TRMT11: variants seen among roughly 807,000 people sequenced by gnomAD.
The protein encoded by TRMT11 is tRNA methyltransferase 11, also known as tRNA (guanine(10)-N(2))-methyltransferase TRMT11.
TRMT11 carries 53 observed loss-of-function variants against 62.8 expected under a neutral mutation model. That is an observed-to-expected ratio of 0.84 (90% CI 0.68 to 1.06). The LOEUF (loss-of-function observed/expected upper bound fraction) is 1.06, where lower values mean the gene tolerates loss of function less well. Ranked by LOEUF, TRMT11 falls within the 50% of genes least tolerant of loss-of-function variation. The pLI, the probability that TRMT11 is intolerant of heterozygous loss-of-function variation, is 0.00. For missense variants in TRMT11, 556 were observed against 553.4 expected, an observed-to-expected ratio of 1.00 and a Z score of -0.05; for synonymous variants, 188 against 190.3, an observed-to-expected ratio of 0.99 and a Z score of 0.10.
intron 17 of TRMT11, among the ~76,000 whole-genome samples, chr6:126,070,275 G>C (rs1254483729): frequency 6.6e-6 from 1 of 152,176 alleles, no homozygotes. Context: ...CCAGTTTGCT[G>C]TGAGTGGTGA....
downstream of TRMT11, among the ~76,000 whole-genome samples, chr6:126,205,677 C>A (rs566006470): frequency 1.3e-5 from 2 of 151,952 alleles, no homozygotes; most frequent in South Asian, 4.1e-4. Flanking sequence ...ATGTTCTTTC[C>A]TTGGGTGTAA....
chr6:126,257,204 A>C, the TRMT11 span, among the ~76,000 whole-genome samples: 1 of 151,730 alleles, frequency 6.6e-6, no homozygotes, highest in Non-Finnish European at 1.5e-5. Context: ...GTTTTAAGCG[A>C]GTAGTTTTCT....
chr6:126,021,317 A>G (rs775369354), intron 12 of TRMT11, 37 bp downstream of exon 12: 1 of 1,604,866 alleles, frequency 6.2e-7, no homozygotes, highest in Admixed American at 1.7e-5. Flanking sequence ...AAATTCTGAA[A>G]GAATCAAAAG....
At chr6:126,169,037 A>G (rs1268108261) in intron 21 of TRMT11, among the ~76,000 whole-genome samples, 1 of 152,248 alleles carries the variant, frequency 6.6e-6, no homozygotes, top group African/African-American at 2.4e-5. Context: ...AATCATTAAC[A>G]TTTAAAAATC....
At chr6:126,078,680 C>T (rs760517790) in intron 17 of TRMT11, among the ~76,000 whole-genome samples, 1 of 152,042 alleles carries the variant, frequency 6.6e-6, no homozygotes. Context: ...TCAGAGGAGC[C>T]GAAGGTATAA....
chr6:126,014,369 G>T (rs188945321), intron 11 of TRMT11, among the ~76,000 whole-genome samples: 14 of 152,220 alleles, frequency 9.2e-5, no homozygotes, highest in African/African-American at 3.4e-4. Context: ...TCCCACCTCA[G>T]CCTTCCGAGT....
intron 17 of TRMT11, among the ~76,000 whole-genome samples, chr6:126,066,472 T>A (rs141259875): frequency 0.042 from 6,410 of 152,242 alleles, 209 homozygotes; most frequent in Non-Finnish European, 0.061. Context: ...TGCATGTATG[T>A]ATGTCGAGAG....
chr6:126,160,565 T>A (rs1265538581), intron 21 of TRMT11, among the ~76,000 whole-genome samples: 1 of 152,152 alleles, frequency 6.6e-6, no homozygotes, highest in Non-Finnish European at 1.5e-5. Flanking sequence ...TACTCGCTCC[T>A]CCTGGTGACT....
At chr6:126,232,891 AG>A in the TRMT11 span, among the ~76,000 whole-genome samples, 1 of 152,202 alleles carries the variant, frequency 6.6e-6, no homozygotes, top group Non-Finnish European at 1.5e-5. Context: ...CAAAATGTCA[AG>A]TCATGTGGCG....
At chr6:126,255,032 T>C in the TRMT11 span, among the ~76,000 whole-genome samples, 8 of 152,308 alleles carry the variant, frequency 5.3e-5, no homozygotes. Context: ...TTGAGAGCTA[T>C]ACCTAGTGAT....
chr6:126,027,285 A>G (rs553442975), intron 12 of TRMT11, among the ~76,000 whole-genome samples: 26 of 152,296 alleles, frequency 1.7e-4, no homozygotes, highest in African/African-American at 5.5e-4. Flanking sequence ...TACGTTTTCA[A>G]TGACGGTCAC....
intron 21 of TRMT11, among the ~76,000 whole-genome samples, chr6:126,151,876 C>CT (rs1491348381): frequency 2.3e-5 from 1 of 42,778 alleles, no homozygotes; most frequent in East Asian, 5.8e-4. Flanking sequence ...CCTTCTTTCT[C>CT]CTTCCTTCCT....
downstream of TRMT11, among the ~76,000 whole-genome samples, chr6:126,205,853 A>G (rs567673521): frequency 9.7e-4 from 147 of 150,946 alleles, 1 homozygote; most frequent in African/African-American, 3.5e-3. Context: ...ACCTCAGACA[A>G]ACACACAGAC....
At chr6:126,052,790 G>C (rs944755741) in intron 16 of TRMT11, among the ~76,000 whole-genome samples, 1 of 152,196 alleles carries the variant, frequency 6.6e-6, no homozygotes, top group Non-Finnish European at 1.5e-5. Context: ...TCTTGCATTT[G>C]TTAGCTTGTT....
the TRMT11 span, among the ~76,000 whole-genome samples, chr6:126,254,570 G>A: frequency 6.6e-6 from 1 of 152,184 alleles, no homozygotes; most frequent in Non-Finnish European, 1.5e-5. Flanking sequence ...TGTAAAATCG[G>A]TTGGCCCCAA....
chr6:126,183,019 G>C (rs376042963), intron 1 of TRMT11, among the ~76,000 whole-genome samples: 6 of 152,066 alleles, frequency 3.9e-5, no homozygotes, highest in Admixed American at 3.3e-4. Flanking sequence ...TGGGAAACTG[G>C]AATAACAAGT....
chr6:126,071,138 C>T (rs1776839891), intron 17 of TRMT11, among the ~76,000 whole-genome samples: 1 of 152,140 alleles, frequency 6.6e-6, no homozygotes, highest in African/African-American at 2.4e-5. Flanking sequence ...TCTCCTCCCA[C>T]ACGTGAGCCT....
the TRMT11 span, among the ~76,000 whole-genome samples, chr6:126,261,914 G>A: frequency 6.6e-6 from 1 of 152,072 alleles, no homozygotes; most frequent in African/African-American, 2.4e-5. Context: ...GTGTAGACAC[G>A]GCAAGGCTGG....
intron 17 of TRMT11, among the ~76,000 whole-genome samples, chr6:126,109,755 A>G (rs968313035): frequency 5.3e-5 from 8 of 152,214 alleles, no homozygotes; most frequent in South Asian, 2.1e-4. Flanking sequence ...TATGTGCCAC[A>G]TAGGTGGCAT....
Sources: gnomAD v4.1 joint callset for allele counts (sites outside exome capture counted in the v4.1 genomes callset) on GRCh38, gnomAD v4.1.1 for gene constraint, MANE v1.5 for transcripts, NCBI Gene and HGNC (gene_info 2026-07-23, HGNC 2026-07-21) for gene names.